RAB3C: variants seen among roughly 807,000 people sequenced by gnomAD.
RAB3C encodes RAB3C, member RAS oncogene family.
RAB3C carries 17 observed loss-of-function variants against 26.4 expected under a neutral mutation model. That is an observed-to-expected ratio of 0.64 (90% CI 0.44 to 0.97). The LOEUF (loss-of-function observed/expected upper bound fraction) is 0.97, where lower values mean the gene tolerates loss of function less well. Among genes scored for constraint, RAB3C ranks in the 50% least tolerant of loss-of-function variants. The probability of loss-of-function intolerance (pLI) is 0.00; values close to 1 mark genes in which losing one functional copy is unlikely to be tolerated. For missense variants in RAB3C, 242 were observed against 281.9 expected (o/e 0.86, Z 1.01); for synonymous variants, 91 against 95.9 (o/e 0.95, Z 0.30).
At chr5:58,723,195 G>A (rs914115803) in intron 2 of RAB3C, among the ~76,000 whole-genome samples, 6 of 151,670 alleles carry the variant, frequency 4.0e-5, no homozygotes, top group Admixed American at 2.0e-4. Flanking sequence ...TTCATGTGGT[G>A]AAATCTTTAC....
At chr5:58,729,154 CTAT>C (rs1740949050) in intron 3 of RAB3C, among the ~76,000 whole-genome samples, 1 of 151,998 alleles carries the variant, frequency 6.6e-6, no homozygotes, top group South Asian at 2.1e-4. Context: ...GCGGACTCTG[CTAT>C]TATTTCATTA....
At chr5:58,746,685 G>A (rs1204047828) in intron 3 of RAB3C, among the ~76,000 whole-genome samples, 1 of 152,158 alleles carries the variant, frequency 6.6e-6, no homozygotes, top group Non-Finnish European at 1.5e-5. Context: ...GCTGCAGAGA[G>A]AATTCACATG....
chr5:58,816,027 T>C (rs1333989638), intron 3 of RAB3C, among the ~76,000 whole-genome samples: 2 of 152,172 alleles, frequency 1.3e-5, no homozygotes, highest in African/African-American at 4.8e-5. Flanking sequence ...TTTAGTGGTG[T>C]ACCCATAAAC....
chr5:58,702,820 A>G (rs1022360614), intron 2 of RAB3C, among the ~76,000 whole-genome samples: 1 of 152,220 alleles, frequency 6.6e-6, no homozygotes, highest in African/African-American at 2.4e-5. Context: ...GAGAGAACTA[A>G]TAATATTTAC....
chr5:58,727,955 C>A (rs1229916126), intron 3 of RAB3C, among the ~76,000 whole-genome samples: 1 of 149,950 alleles, frequency 6.7e-6, no homozygotes, highest in Non-Finnish European at 1.5e-5. Context: ...GCAAACTAAA[C>A]CATTCATTGT....
intron 2 of RAB3C, among the ~76,000 whole-genome samples, chr5:58,693,341 T>C (rs1748615374): frequency 7.1e-6 from 1 of 141,136 alleles, no homozygotes; most frequent in African/African-American, 2.8e-5. Context: ...TATGTGTATA[T>C]ATATATATAT....
chr5:58,615,378 ATCT>A (rs1385637619), intron 1 of RAB3C, among the ~76,000 whole-genome samples: 2 of 152,144 alleles, frequency 1.3e-5, no homozygotes, highest in East Asian at 1.9e-4. Context: ...AGGTAAAATA[ATCT>A]TCTTAATGAA....
chr5:58,662,101 G>T (rs1264108343), intron 2 of RAB3C, among the ~76,000 whole-genome samples: 2 of 149,692 alleles, frequency 1.3e-5, no homozygotes, highest in Non-Finnish European at 2.9e-5. Flanking sequence ...AGCTCTTGTG[G>T]GAGGTCTCCT....
chr5:58,675,121 A>G (rs548197453), intron 2 of RAB3C, among the ~76,000 whole-genome samples: 7 of 152,212 alleles, frequency 4.6e-5, no homozygotes, highest in South Asian at 2.1e-4. Flanking sequence ...CCCGCAGGCA[A>G]GATTTGCTGC....
At chr5:58,738,992 A>G (rs1741215911) in intron 3 of RAB3C, among the ~76,000 whole-genome samples, 1 of 152,186 alleles carries the variant, frequency 6.6e-6, no homozygotes, top group African/African-American at 2.4e-5. Flanking sequence ...ATAAGAGCCT[A>G]TTTTCCAGTC....
At chr5:58,609,054 G>T (rs1424224826) in intron 1 of RAB3C, among the ~76,000 whole-genome samples, 3 of 152,084 alleles carry the variant, frequency 2.0e-5, no homozygotes, top group African/African-American at 7.2e-5. Flanking sequence ...GTGGGGAGGA[G>T]GGGGAGGGAT....
At chr5:58,616,417 G>C (rs1746826625) in intron 1 of RAB3C, among the ~76,000 whole-genome samples, 1 of 152,150 alleles carries the variant, frequency 6.6e-6, no homozygotes, top group Admixed American at 6.6e-5. Context: ...ATCAGAAACT[G>C]TGCTGAGCAA....
chr5:58,828,901 CTTTTTTTTT>C (rs762653092), intron 4 of RAB3C, among the ~76,000 whole-genome samples: 4 of 122,434 alleles, frequency 3.3e-5, no homozygotes, highest in Middle Eastern at 4.3e-3. Context: ...TTTTACCATG[CTTTTTTTTT>C]TTTTTTTTTT....
chr5:58,831,171 G>A (rs1002416281), intron 4 of RAB3C, among the ~76,000 whole-genome samples: 7 of 152,102 alleles, frequency 4.6e-5, no homozygotes, highest in Admixed American at 2.0e-4. Flanking sequence ...ATGAGCCACT[G>A]TGCCTAGCCC....
At chr5:58,807,502 T>C (rs774576869) in intron 3 of RAB3C, among the ~76,000 whole-genome samples, 6 of 152,230 alleles carry the variant, frequency 3.9e-5, no homozygotes, top group African/African-American at 7.2e-5. Context: ...TTTATTTCTC[T>C]GAGTTTGGAG....
intron 1 of RAB3C, among the ~76,000 whole-genome samples, chr5:58,609,153 A>T (rs776629467): frequency 1.3e-5 from 2 of 152,172 alleles, no homozygotes; most frequent in South Asian, 4.1e-4. Context: ...ACAAACCCGC[A>T]TGTTGTGCAC....
At chr5:58,818,033 G>A (rs1169050351) in intron 3 of RAB3C, among the ~76,000 whole-genome samples, 1 of 152,226 alleles carries the variant, frequency 6.6e-6, no homozygotes, top group Non-Finnish European at 1.5e-5. Flanking sequence ...GTGAGGAAGA[G>A]TGAGTCATAT....
At chr5:58,642,135 G>C (rs1747425368) in intron 2 of RAB3C, among the ~76,000 whole-genome samples, 1 of 152,180 alleles carries the variant, frequency 6.6e-6, no homozygotes, top group African/African-American at 2.4e-5. Context: ...TGCATGATGA[G>C]CTGCATTTGC....
chr5:58,613,176 G>A (rs2111712792), intron 1 of RAB3C, among the ~76,000 whole-genome samples: 1 of 152,226 alleles, frequency 6.6e-6, no homozygotes, highest in Admixed American at 6.6e-5. Flanking sequence ...GAAAACAGTA[G>A]TTAAAATTTA....
Sources: allele counts gnomAD v4.1 joint callset (sites outside exome capture counted in the v4.1 genomes callset), GRCh38; gene constraint gnomAD v4.1.1; transcripts MANE v1.5; gene names NCBI Gene and HGNC (gene_info 2026-07-23, HGNC 2026-07-21).